The following TBKBP1 variants were observed in gnomAD, a reference collection of about 807,000 sequenced individuals.
TBKBP1 encodes the protein TBK1 binding protein 1, also known as TANK-binding kinase 1-binding protein 1.
A neutral mutation model predicts 69.9 loss-of-function variants in TBKBP1; 47 were observed. That is an observed-to-expected ratio of 0.67 (90% CI 0.53 to 0.86). The LOEUF is 0.86. TBKBP1 is among the 40% of genes least tolerant of loss of function. TBKBP1 has a pLI of 0.00. For missense variants in TBKBP1, 831 were observed against 858.6 expected, an observed-to-expected ratio of 0.97 and a Z score of 0.40; for synonymous variants, 418 against 390.3, an observed-to-expected ratio of 1.07 and a Z score of -0.84.
rs745843287 is a variant in TBKBP1 at position 47,696,108 on chromosome 17, TCAC to T, written c.-2_1del. 14 of 1,606,272 alleles carry T rather than the reference TCAC, an allele frequency of 8.7e-6. No homozygotes were observed. Among genetic ancestry groups the T allele is most frequent in the Middle Eastern group, 1.7e-4 (1 of 6,038 alleles). On this transcript the variant is annotated 5_prime_UTR_variant, in exon 2 of 10. Transcript: ENST00000578982. ...CCCCGTGTGGGCCGCGGCCCGGCCC[TCAC>T]CATGGAGTCCATGTTCGAGGACGAC...
At chr17:47,709,977 T>G (rs1385453789) in intron 9 of TBKBP1, among the ~76,000 whole-genome samples, 1 of 152,218 alleles carries the variant, frequency 6.6e-6, no homozygotes, top group Non-Finnish European at 1.5e-5. Context: ...CAGGCCTGTT[T>G]ATCCAGCTCC....
rs892329778 is a variant in TBKBP1, at chr17:47,710,755, C to A, written c.*129C>A. The A allele has an allele frequency of 2.2e-6, 3 of 1,341,192 alleles. No homozygotes were observed. The highest frequency in any genetic ancestry group is 3.1e-6 in the Non-Finnish European group (3 of 980,408). The allele number at this position is 1,341,192 out of a possible 1,614,324, so 83.1% of individuals were successfully genotyped here. On this transcript the variant is annotated 3_prime_UTR_variant, in exon 10 of 10. Coordinates refer to ENST00000578982, the MANE Select transcript of TBKBP1 (RefSeq NM_001394755.1). ...ACCCCCAGATACCTCCACTTGCTAC[C>A]GAGTCAACGTGTGTGCCATCTTCCC...
Position 47,708,413 on chromosome 17 carries a change from T to A in TBKBP1, c.892T>A (p.Tyr298Asn), listed in dbSNP as rs1323814331. 6.2e-7 allele frequency: 1 copy of A among 1,613,908 alleles called. No individual in the cohort carries two copies. The highest frequency in any genetic ancestry group is 8.5e-7 in the Non-Finnish European group (1 of 1,179,830). Residue 298 changes from tyrosine to asparagine, a missense_variant, in exon 8 of 10, where the codon TAC (tyrosine) becomes AAC (asparagine). By Grantham distance (143) the Tyr-to-Asn change is moderately radical (BLOSUM62 -2). Transcript: ENST00000578982. The surrounding 1 kb of genome is among the most constrained non-coding windows in gnomAD (Gnocchi z 4.4). ...CTTCAGGGTGAATTTGGCGCTGGCCTACACCGAGCTGACGGAGGAGCTGGG... is the reference window on the plus strand; with the variant it reads ...CTTCAGGGTGAATTTGGCGCTGGCCAACACCGAGCTGACGGAGGAGCTGGG... ...GDDQVNLALA[Y>N]TELTEELGRL...
Position 47,709,213 on chromosome 17 carries a change from A to G in TBKBP1, c.1480A>G (p.Ser494Gly). 1 of 1,519,806 alleles carries G rather than the reference A, an allele frequency of 6.6e-7. No individual in the cohort carries two copies. The highest frequency in any genetic ancestry group is 1.9e-4 in the Middle Eastern group (1 of 5,162). The allele number at this position is 1,519,806 out of a possible 1,614,324, so 94.1% of individuals were successfully genotyped here. ...TCTCCCCAAGCCCCGGGCCTACGGC[A>G]GCGAGCTCTACGGCCCTGGCAGGCC... is the stretch of plus-strand genomic sequence containing the variant. ...ATLPKPRAYG[S>G]ELYGPGRPLS... is the part of the protein sequence containing the mutation. The change falls in exon 9 of 10, where the codon AGC becomes GGC. Residue 494 changes from serine (S) to glycine (G), a missense_variant. Coordinates refer to ENST00000578982, the MANE Select transcript of TBKBP1 (RefSeq NM_001394755.1).
chr17:47,696,190 T>C lies in TBKBP1; in HGVS notation c.78T>C (p.Ser26=). ...ALGPSEVWLD[S]PGDPSLGGDM... Reference sequence around the variant, plus strand: ...GGCCTAGTGAGGTGTGGCTGGACAGTCCCGGAGACCCCTCGCTTGGGGGCG... The same window carrying C: ...GGCCTAGTGAGGTGTGGCTGGACAGCCCCGGAGACCCCTCGCTTGGGGGCG... Residue 26 remains serine, a synonymous_variant, in exon 2 of 10, where the codon AGT becomes AGC. Coordinates refer to ENST00000578982, the MANE Select transcript of TBKBP1 (RefSeq NM_001394755.1). 1 of 1,613,606 alleles carries C rather than the reference T, an allele frequency of 6.2e-7. No homozygotes were observed. The highest frequency in any genetic ancestry group is 8.5e-7 in the Non-Finnish European group (1 of 1,179,848).
chr17:47,709,364 CCTT>C lies in TBKBP1; in HGVS notation c.1634_1636del (p.Phe545del), dbSNP rs1346194924. 9 of 1,528,716 alleles carry C rather than the reference CCTT, an allele frequency of 5.9e-6. No individual in the cohort carries two copies. The highest frequency in any genetic ancestry group is 7.9e-6 in the Non-Finnish European group (9 of 1,144,498). 94.7% of individuals were successfully genotyped at this position (1,528,716 alleles called of 1,614,324 possible). On this transcript the variant is annotated inframe_deletion, in exon 9 of 10. Transcript: ENST00000578982. ...GAGGTGGGCACCATCCGCTGCGCCT[CCTT>C]CTGCGCGGGCTTCCCCATCCCCGAG...
At chr17:47,698,874 A>G (rs2031366767) in intron 5 of TBKBP1, 99 bp downstream of exon 5, 5 of 1,167,202 alleles carry the variant, frequency 4.3e-6, no homozygotes, top group South Asian at 1.7e-5. Context: ...TTGTAATATA[A>G]TCTATTTCTC....
intron 1 of TBKBP1, among the ~76,000 whole-genome samples, chr17:47,694,888 AG>A (rs56069116): frequency 0.57 from 72,989 of 127,792 alleles, 20,931 homozygotes; most frequent in African/African-American, 0.7. Context: ...TGGGTGGCGG[AG>A]GGGGGGGGGT....
intron 7 of TBKBP1, among the ~76,000 whole-genome samples, chr17:47,702,469 C>T (rs1418744464): frequency 6.6e-6 from 1 of 152,098 alleles, no homozygotes; most frequent in Non-Finnish European, 1.5e-5. Flanking sequence ...TCCGGGGCAG[C>T]CAGTTTTATT....
At chr17:47,700,255 C>T (rs1462418679) in intron 7 of TBKBP1, among the ~76,000 whole-genome samples, 3 of 136,150 alleles carry the variant, frequency 2.2e-5, no homozygotes, top group Non-Finnish European at 4.6e-5. Flanking sequence ...TCCCAAAGTG[C>T]TGGGATTATA....
chr17:47,697,237 T>G, intron 4 of TBKBP1, 44 bp downstream of exon 4: 1 of 1,539,208 alleles, frequency 6.5e-7, no homozygotes, highest in Non-Finnish European at 8.9e-7. Context: ...GTGTAGCTGG[T>G]TGTGTGTGTG....
At chr17:47,696,491 C>T (rs1161380449) in intron 2 of TBKBP1, among the ~76,000 whole-genome samples, 154 bp downstream of exon 2, 2 of 152,096 alleles carry the variant, frequency 1.3e-5, no homozygotes, top group Non-Finnish European at 2.9e-5. Flanking sequence ...GTTCCGGATG[C>T]GAACTGTCTC....
chr17:47,705,975 A>G (rs2031682347), intron 7 of TBKBP1, among the ~76,000 whole-genome samples: 1 of 151,990 alleles, frequency 6.6e-6, no homozygotes, highest in East Asian at 1.9e-4. Context: ...ATTTTCAGCC[A>G]CCCTGTCTGT....
chr17:47,697,416 T>C (rs1434311551), intron 4 of TBKBP1, among the ~76,000 whole-genome samples: 1 of 152,210 alleles, frequency 6.6e-6, no homozygotes, highest in African/African-American at 2.4e-5. Context: ...GCGGTGTCTG[T>C]GTGCATCCTG....
chr17:47,710,867 G>A lies in TBKBP1; in HGVS notation c.*241G>A. 2.1e-6 allele frequency: 1 copy of A among 468,182 alleles called. No individual in the cohort carries two copies. The highest frequency in any genetic ancestry group is 3.7e-6 in the Non-Finnish European group (1 of 267,756). 29.0% of individuals were successfully genotyped at this position (468,182 alleles called of 1,614,324 possible). On this transcript the variant is annotated 3_prime_UTR_variant, in exon 10 of 10. Transcript: ENST00000578982. ...TCCTGGTTTCTGCTTAGGAGGTGGG[G>A]ACTTGGGCTGGGATGGGGACGGCAT...
At chr17:47,704,975 T>C (rs2143324842) in intron 7 of TBKBP1, among the ~76,000 whole-genome samples, 1 of 152,320 alleles carries the variant, frequency 6.6e-6, no homozygotes, top group South Asian at 2.1e-4. Context: ...TGTGTTTGAA[T>C]CTGCTGTGTG....
rs778117912 is a variant in TBKBP1, at chr17:47,698,646, C to T, written c.505C>T (p.Leu169=). ...LRQICGLEQQ[L]RQQQGLQDAA... ...TCAGATCTGTGGTTTGGAGCAGCAG[C>T]TGCGGCAACAGCAAGGCCTCCAGGA... Residue 169 remains leucine, a synonymous_variant, in exon 5 of 10, where the codon CTG becomes TTG. Transcript: ENST00000578982. 1 of 1,602,390 alleles carries T rather than the reference C, an allele frequency of 6.2e-7. No individual in the cohort carries two copies. Among genetic ancestry groups the T allele is most frequent in the Non-Finnish European group, 8.5e-7 (1 of 1,174,704 alleles).
Position 47,698,102 on chromosome 17 carries a change from A to G in TBKBP1, c.454-493A>G, listed in dbSNP as rs79964421. ...CAGGTTGTGGTGAGGGTGATGGGGC[A>G]TTCATGTATAGATGCTTTGCCTTCA... On this transcript the variant is annotated intron_variant, in intron 4 of 9. Transcript: ENST00000578982. Among the ~76,000 whole-genome samples the G allele has an allele frequency of 8.1e-3, 1,228 of 152,200 alleles. 9 individuals carry two copies. The highest frequency in any genetic ancestry group is 0.028 in the African/African-American group (1,146 of 41,504).
Position 47,709,024 on chromosome 17 carries a change from C to A in TBKBP1, c.1291C>A (p.Pro431Thr). The A allele has an allele frequency of 8.2e-7, 1 of 1,217,868 alleles. No individual in the cohort carries two copies. Among genetic ancestry groups the A allele is most frequent in the South Asian group, 2.3e-5 (1 of 42,570 alleles). 75.4% of individuals were successfully genotyped at this position (1,217,868 alleles called of 1,614,324 possible). Residue 431 changes from proline (P) to threonine (T), a missense_variant, in exon 9 of 10, where the codon CCG (proline) becomes ACG (threonine). By Grantham distance (38) the Pro-to-Thr change is conservative (BLOSUM62 -1). Coordinates refer to ENST00000578982, the MANE Select transcript of TBKBP1 (RefSeq NM_001394755.1). The part of the protein sequence containing the change: ...CPAPQPRPPP[P>T]PPPGERTLAE... Reference sequence around the variant, plus strand: ...GGCCCCGCAGCCCCGGCCACCGCCGCCGCCCCCGCCGGGCGAGAGGACGCT... The same window carrying A: ...GGCCCCGCAGCCCCGGCCACCGCCGACGCCCCCGCCGGGCGAGAGGACGCT...
Sources: allele counts gnomAD v4.1 joint callset (sites outside exome capture counted in the v4.1 genomes callset), GRCh38; gene constraint gnomAD v4.1.1; non-coding constraint Gnocchi (gnomAD v3.1); transcripts MANE v1.5; gene names NCBI Gene and HGNC (gene_info 2026-07-23, HGNC 2026-07-21).